STPG2: variants seen among roughly 807,000 people sequenced by gnomAD.
The protein encoded by STPG2 is sperm tail PG-rich repeat containing 2, also known as sperm-tail PG-rich repeat-containing protein 2.
Under a neutral mutation model 54.2 loss-of-function variants are expected in STPG2, and 56 were observed. The observed-to-expected ratio is 1.03, with a 90% CI of 0.83 to 1.29. STPG2 has a LOEUF of 1.29. STPG2 is among the 50% of genes most tolerant of loss of function. STPG2 has a pLI of 0.00. For synonymous variants in STPG2, 200 were observed against 181.8 expected (o/e 1.10, Z -0.81); for missense variants, 596 against 544.9 (o/e 1.09, Z -0.93).
At chr4:97,891,527 A>G (rs1730770122) in intron 8 of STPG2, among the ~76,000 whole-genome samples, 1 of 152,116 alleles carries the variant, frequency 6.6e-6, no homozygotes, top group East Asian at 1.9e-4. Context: ...AGAACAATTG[A>G]TAAATAAATA....
chr4:97,513,401 T>C (rs1390284044), intron 4 of STPG2, among the ~76,000 whole-genome samples: 1 of 151,978 alleles, frequency 6.6e-6, no homozygotes. Context: ...TCAACTTTCA[T>C]CCTCCCCATG....
intron 9 of STPG2, 32 bp downstream of exon 9, chr4:97,840,741 C>G (rs1359072868): frequency 5.7e-6 from 9 of 1,571,672 alleles, no homozygotes; most frequent in Non-Finnish European, 7.7e-6. Flanking sequence ...GAATTTTTTT[C>G]CTCATAGCTT....
chr4:97,877,617 G>A (rs1730226019), intron 8 of STPG2, among the ~76,000 whole-genome samples: 1 of 152,118 alleles, frequency 6.6e-6, no homozygotes, highest in South Asian at 2.1e-4. Context: ...ACTACCATGA[G>A]AACAGTGTGG....
intron 4 of STPG2, among the ~76,000 whole-genome samples, chr4:97,509,730 A>C (rs898581307): frequency 1.3e-5 from 2 of 152,118 alleles, no homozygotes. Context: ...GCCACACTTC[A>C]AAGAGATGAA....
intron 7 of STPG2, among the ~76,000 whole-genome samples, chr4:97,945,252 T>G (rs1185245536): frequency 6.6e-6 from 1 of 151,976 alleles, no homozygotes; most frequent in Non-Finnish European, 1.5e-5. Flanking sequence ...ATTATATCAC[T>G]CTGTGTGTCT....
chr4:97,456,891 C>G (rs78622455), intron 4 of STPG2, among the ~76,000 whole-genome samples: 1 of 48,922 alleles, frequency 2.0e-5, no homozygotes, highest in Admixed American at 2.3e-4. Flanking sequence ...TGCTCCGTCT[C>G]AAAAAAAAAA....
rs551272646 is a variant in STPG2 at position 97,888,337 on chromosome 4, G to A, written c.1045-47405C>T. ...ATGCCAGCCCTTGAGAGCAGCCATG[G>A]GGGCTGAGCCCTTCAGAGCCAAAGG... On this transcript the variant is annotated intron_variant, in intron 8 of 10. Transcript: ENST00000295268. Among the ~76,000 whole-genome samples, 12 of 152,302 alleles carry A rather than the reference G, an allele frequency of 7.9e-5. 1 individual carries two copies. The highest frequency in any genetic ancestry group is 7.8e-4 in the Admixed American group (12 of 15,294).
chr4:97,571,483 G>A (rs1207243748), intron 10 of STPG2, among the ~76,000 whole-genome samples: 1 of 152,088 alleles, frequency 6.6e-6, no homozygotes, highest in African/African-American at 2.4e-5. Context: ...TATTCTCTCT[G>A]AAGCCTGCCA....
At chr4:97,737,413 G>A (rs917561855) in intron 9 of STPG2, among the ~76,000 whole-genome samples, 82 of 152,146 alleles carry the variant, frequency 5.4e-4, no homozygotes, top group Non-Finnish European at 3.1e-4. Context: ...AAACTACTCC[G>A]AGCTACAGGA....
At chr4:97,906,681 C>T (rs1393176432) in intron 8 of STPG2, among the ~76,000 whole-genome samples, 5 of 152,066 alleles carry the variant, frequency 3.3e-5, no homozygotes, top group Admixed American at 1.3e-4. Flanking sequence ...ATCAAGTGGG[C>T]TTCATCCCTG....
rs778530769 is a variant in STPG2, at chr4:98,128,523, A to C, written c.292T>G (p.Tyr98Asp). ...CCATCATCATTAATATGATAACCAT[A>C]TGACTTTCCACAAGAAGGAATTGAA... ...VPSIPSCGKS[Y>D]GYHINDDGSI... The change falls in exon 3 of 11, where the codon TAT becomes GAT. Residue 98 changes from tyrosine (Y) to aspartate (D), a missense_variant. By Grantham distance (160) the Tyr-to-Asp change is radical (BLOSUM62 -3). Transcript: ENST00000295268. 6.2e-7 allele frequency: 1 copy of C among 1,613,290 alleles called. No homozygotes were observed. The highest frequency in any genetic ancestry group is 2.2e-5 in the East Asian group (1 of 44,806).
At chr4:97,925,797 T>C (rs1732311497) in intron 8 of STPG2, among the ~76,000 whole-genome samples, 1 of 152,164 alleles carries the variant, frequency 6.6e-6, no homozygotes, top group African/African-American at 2.4e-5. Context: ...GGATCTTTAT[T>C]TTGAGCTCCT....
At chr4:98,024,380 GAACACCTA>G (rs1021093897) in intron 5 of STPG2, among the ~76,000 whole-genome samples, 3 of 152,174 alleles carry the variant, frequency 2.0e-5, no homozygotes, top group African/African-American at 7.2e-5. Context: ...TACCCAACTG[GAACACCTA>G]TTATTTACAT....
intron 5 of STPG2, among the ~76,000 whole-genome samples, chr4:97,982,953 T>C (rs549370912): frequency 6.6e-6 from 1 of 152,324 alleles, no homozygotes; most frequent in East Asian, 1.9e-4. Flanking sequence ...ATATTTATAA[T>C]AAGTACTTAG....
At chr4:97,939,782 G>A (rs1040773460) in intron 8 of STPG2, among the ~76,000 whole-genome samples, 4 of 152,108 alleles carry the variant, frequency 2.6e-5, no homozygotes, top group African/African-American at 9.7e-5. Context: ...TTTTAACTGG[G>A]ACATTTAGTC....
chr4:98,078,516 T>A (rs1263187094), intron 5 of STPG2, among the ~76,000 whole-genome samples: 4 of 151,550 alleles, frequency 2.6e-5, no homozygotes, highest in Non-Finnish European at 5.9e-5. Context: ...TATATACAAG[T>A]GGCTGGCACT....
intron 4 of STPG2, among the ~76,000 whole-genome samples, chr4:97,536,050 C>A (rs554833541): frequency 6.6e-6 from 1 of 152,094 alleles, no homozygotes; most frequent in Non-Finnish European, 1.5e-5. Flanking sequence ...ATCATACCAC[C>A]CTGCAGCTTT....
intron 5 of STPG2, among the ~76,000 whole-genome samples, chr4:97,999,781 C>T (rs1735356394): frequency 6.6e-6 from 1 of 152,034 alleles, no homozygotes; most frequent in Non-Finnish European, 1.5e-5. Flanking sequence ...TCCTGTAAAC[C>T]AAGGGGCAGG....
intron 5 of STPG2, among the ~76,000 whole-genome samples, chr4:98,074,378 C>A (rs555652824): frequency 2.0e-5 from 3 of 152,244 alleles, no homozygotes; most frequent in African/African-American, 4.8e-5. Context: ...TGGTTTTTAG[C>A]AATTTTAATA....
Sources: gnomAD v4.1 joint callset for allele counts (sites outside exome capture counted in the v4.1 genomes callset) on GRCh38, gnomAD v4.1.1 for gene constraint, MANE v1.5 for transcripts, NCBI Gene and HGNC (gene_info 2026-07-23, HGNC 2026-07-21) for gene names.